Variants in LIN7A observed in about 807,000 individuals in gnomAD.
LIN7A encodes protein lin-7 homolog A.
Under a neutral mutation model 29.8 loss-of-function variants are expected in LIN7A, and 25 were observed. The observed-to-expected ratio is 0.84, with a 90% confidence interval of 0.61 to 1.17. LIN7A has a LOEUF of 1.17. Among genes scored for constraint, LIN7A ranks in the 50% most tolerant of loss-of-function variants. LIN7A has a pLI of 0.00. For synonymous variants in LIN7A, 118 were observed against 107.5 expected (o/e 1.10, Z -0.60); for missense variants, 239 against 287.0 (o/e 0.83, Z 1.21).
At chr12:80,892,160 T>C (rs779407779) in intron 1 of LIN7A, among the ~76,000 whole-genome samples, 3 of 152,246 alleles carry the variant, frequency 2.0e-5, no homozygotes, top group Non-Finnish European at 4.4e-5. Context: ...TGTGAATGTA[T>C]ACAATTCTTC....
At chr12:80,829,917 C>T (rs1872264090) in intron 4 of LIN7A, among the ~76,000 whole-genome samples, 1 of 152,244 alleles carries the variant, frequency 6.6e-6, no homozygotes. Flanking sequence ...AACCACTCTT[C>T]ACATTGCAAT....
At chr12:80,842,023 C>T (rs1186767632) in intron 4 of LIN7A, 8 of 1,281,610 alleles carry the variant, frequency 6.2e-6, no homozygotes, top group Non-Finnish European at 7.1e-6. Flanking sequence ...TCATTTGTAA[C>T]ATTCCCATGG....
chr12:80,925,172 A>G (rs777465032), intron 1 of LIN7A, among the ~76,000 whole-genome samples: 1 of 152,230 alleles, frequency 6.6e-6, no homozygotes, highest in Admixed American at 6.5e-5. Context: ...ATTAAAACAC[A>G]TATTTTTAGG....
intron 2 of LIN7A, among the ~76,000 whole-genome samples, chr12:80,855,616 G>C (rs1200689488): frequency 2.0e-5 from 3 of 152,024 alleles, no homozygotes; most frequent in African/African-American, 4.8e-5. Context: ...AATACTGCAG[G>C]CTTCTTGAAA....
intron 4 of LIN7A, among the ~76,000 whole-genome samples, chr12:80,818,201 CAGGCTGGAG>C (rs1302911779): frequency 5.3e-5 from 8 of 152,118 alleles, no homozygotes; most frequent in Non-Finnish European, 1.0e-4. Flanking sequence ...CTCTGTCCCC[CAGGCTGGAG>C]TGCAGTGGCC....
chr12:80,831,723 C>T (rs1039314418), intron 4 of LIN7A, among the ~76,000 whole-genome samples: 10 of 152,148 alleles, frequency 6.6e-5, no homozygotes, highest in African/African-American at 2.4e-4. Flanking sequence ...CTGCCAATTT[C>T]ATCTAATAAA....
chr12:80,864,715 G>A (rs762723203), intron 2 of LIN7A, among the ~76,000 whole-genome samples: 11 of 152,090 alleles, frequency 7.2e-5, no homozygotes, highest in South Asian at 2.1e-4. Flanking sequence ...GCATCAAAAC[G>A]CAACATTTTT....
intron 2 of LIN7A, among the ~76,000 whole-genome samples, chr12:80,878,111 C>T (rs775889339): frequency 2.0e-5 from 3 of 152,042 alleles, no homozygotes; most frequent in Admixed American, 6.6e-5. Flanking sequence ...GAGCATTTAC[C>T]CAATAATGAC....
At chr12:80,831,683 C>T (rs1050819421) in intron 4 of LIN7A, among the ~76,000 whole-genome samples, 1 of 152,182 alleles carries the variant, frequency 6.6e-6, no homozygotes, top group South Asian at 2.1e-4. Flanking sequence ...GGTGTGATAA[C>T]CAACATCATA....
At chr12:80,849,626 C>T (rs17007452) in intron 2 of LIN7A, among the ~76,000 whole-genome samples, 6,753 of 152,186 alleles carry the variant, frequency 0.044, 276 homozygotes, top group Admixed American at 0.15. Context: ...CAAATACCTA[C>T]AGGAGTCAAG....
intron 2 of LIN7A, among the ~76,000 whole-genome samples, chr12:80,857,536 A>G (rs1469582264): frequency 1.3e-5 from 2 of 152,114 alleles, no homozygotes; most frequent in African/African-American, 2.4e-5. Flanking sequence ...GCTCAACTAC[A>G]TGACTCAGAC....
chr12:80,883,125 TC>T (rs1377256279), intron 2 of LIN7A, among the ~76,000 whole-genome samples: 1 of 152,062 alleles, frequency 6.6e-6, no homozygotes, highest in Admixed American at 6.6e-5. Context: ...CTGTTTTTCT[TC>T]CCTACCTCTC....
In LIN7A at chr12:80,825,126, T is replaced by C. The variant is rs138695748; in HGVS notation, c.484-13443A>G. On this transcript the variant is annotated intron_variant, in intron 4 of 5. Transcript: ENST00000552864. ...AGAAACCCTAAATGTTATTTCTTTA[T>C]AAATTTTTTTTAAAAATCAATAGCC... Among the ~76,000 whole-genome samples the C allele has an allele frequency of 2.1e-3, 318 of 152,294 alleles. 1 individual carries two copies. Among genetic ancestry groups the C allele is most frequent in the African/African-American group, 7.0e-3 (291 of 41,566 alleles).
At chr12:80,884,388 C>T (rs1270544665) in intron 2 of LIN7A, among the ~76,000 whole-genome samples, 2 of 152,244 alleles carry the variant, frequency 1.3e-5, no homozygotes, top group South Asian at 2.1e-4. Context: ...TTATTTCTTG[C>T]TCAGACTACA....
At chr12:80,902,713 T>C (rs570713638) in intron 1 of LIN7A, among the ~76,000 whole-genome samples, 13 of 152,280 alleles carry the variant, frequency 8.5e-5, no homozygotes, top group South Asian at 2.1e-4. Context: ...ATTGACTTTG[T>C]ATCCTGAAAC....
intron 1 of LIN7A, among the ~76,000 whole-genome samples, chr12:80,901,084 T>A (rs1246108646): frequency 6.6e-6 from 1 of 152,284 alleles, no homozygotes; most frequent in Non-Finnish European, 1.5e-5. Flanking sequence ...CAAACTTTTT[T>A]AGAAAATGAA....
chr12:80,843,932 G>A (rs1360716126), intron 4 of LIN7A, among the ~76,000 whole-genome samples: 1 of 151,844 alleles, frequency 6.6e-6, no homozygotes, highest in Non-Finnish European at 1.5e-5. Flanking sequence ...GGTCTGTTTA[G>A]CTCCCTTATA....
In LIN7A at chr12:80,794,837, T is replaced by C. The variant is rs1870374254; in HGVS notation, c.*2890A>G. On this transcript the variant is annotated 3_prime_UTR_variant, in exon 6 of 6. Transcript: ENST00000552864. ...CTCCCTGCAGATGTTCTATTTCAAATGACAACAGAATCAAAATGTAAATGC... is the reference window on the plus strand; with the variant it reads ...CTCCCTGCAGATGTTCTATTTCAAACGACAACAGAATCAAAATGTAAATGC... The C allele has an allele frequency of 6.6e-6, 1 of 152,164 alleles. No homozygotes were observed. Among genetic ancestry groups the C allele is most frequent in the Non-Finnish European group, 1.5e-5 (1 of 68,008 alleles). 9.4% of individuals were successfully genotyped at this position (152,164 alleles called of 1,614,324 possible). A position where few individuals can be genotyped will look rare whatever the true frequency, so the allele number is the denominator to read the frequency against.
chr12:80,901,241 C>A (rs899237226), intron 1 of LIN7A, among the ~76,000 whole-genome samples: 3 of 152,078 alleles, frequency 2.0e-5, no homozygotes, highest in African/African-American at 7.2e-5. Flanking sequence ...CACACTATTC[C>A]TTATTTACAT....
Sources: allele counts gnomAD v4.1 joint callset (sites outside exome capture counted in the v4.1 genomes callset), GRCh38; gene constraint gnomAD v4.1.1; transcripts MANE v1.5; gene names NCBI Gene and HGNC (gene_info 2026-07-23, HGNC 2026-07-21).